The following BZW1 variants were observed in gnomAD, a reference collection of about 807,000 sequenced individuals.
The protein encoded by BZW1 is eIF5-mimic protein 2.
Under a neutral mutation model 54.1 loss-of-function variants are expected in BZW1, and 3 were observed. That is an observed-to-expected ratio of 0.06 (90% CI 0.03 to 0.14). The LOEUF is 0.14. Ranked by LOEUF, BZW1 falls within the 10% of genes least tolerant of loss-of-function variation. The pLI, the probability that BZW1 is intolerant of heterozygous loss-of-function variation, is 1.00. For synonymous variants in BZW1, 152 were observed against 162.7 expected (o/e 0.93, Z 0.50); for missense variants, 206 against 491.7 (o/e 0.42, Z 5.50).
intron 9 of BZW1, chr2:200,819,183 GTTTAA>G: frequency 2.9e-6 from 1 of 344,828 alleles, no homozygotes; most frequent in Non-Finnish European, 5.3e-6. Flanking sequence ...CTTGAGCTCA[GTTTAA>G]GACGTGCCTG....
chr2:200,820,683 C>CAA (rs1176605993), intron 10 of BZW1, among the ~76,000 whole-genome samples: 3 of 144,102 alleles, frequency 2.1e-5, no homozygotes, highest in African/African-American at 7.6e-5. Context: ...GACCCTGTTT[C>CAA]AAAAAAAAAA....
At chr2:200,812,475 C>T in intron 1 of BZW1, 5 of 1,334,996 alleles carry the variant, frequency 3.7e-6, no homozygotes, top group Admixed American at 3.3e-5. Flanking sequence ...TTGCGGCGGC[C>T]GCCACCGCAG....
chr2:200,812,245 G>C (rs912358424), intron 1 of BZW1: 1 of 1,229,564 alleles, frequency 8.1e-7, no homozygotes, highest in African/African-American at 1.6e-5. Flanking sequence ...CAGTGGCCGA[G>C]GCGGGCTCCC....
Position 200,826,404 on chromosome 2 carries a change from G to GATAGATAGAT in BZW1, c.*4229_*4230insGATAGATATA, listed in dbSNP as rs1478189638. 1.8e-5 allele frequency: 1 copy of GATAGATAGAT among 55,748 alleles called. No homozygotes were observed. Among genetic ancestry groups the GATAGATAGAT allele is most frequent in the African/African-American group, 7.9e-5 (1 of 12,646 alleles). 3.5% of individuals were successfully genotyped at this position (55,748 alleles called of 1,614,324 possible). ...AGATAGATAGATAGATAGATAGATA[G>GATAGATAGAT]ATATTTTTTTTTTTTTTTTTTTTTT... On this transcript the variant is annotated 3_prime_UTR_variant, in exon 12 of 12. Coordinates refer to ENST00000409600, the MANE Select transcript of BZW1 (RefSeq NM_001207067.2).
At position 200,819,313 on chromosome 2, in the gene BZW1, C is replaced by T. The variant is rs556392636; in HGVS notation, c.966+412C>T. On this transcript the variant is annotated intron_variant, in intron 9 of 11. Coordinates refer to ENST00000409600, the MANE Select transcript of BZW1 (RefSeq NM_001207067.2). ...GCTGAGGCAGAGGATCTCTTGAGCCCTGGAGATCAAGACTGCAGTGAGCTT... is the reference window on the plus strand; with the variant it reads ...GCTGAGGCAGAGGATCTCTTGAGCCTTGGAGATCAAGACTGCAGTGAGCTT... Among the ~76,000 whole-genome samples, 8 of 152,198 alleles carry T rather than the reference C, an allele frequency of 5.3e-5. No homozygotes were observed. The East Asian group carries it at 1.4e-3, about 26-fold the overall frequency.
chr2:200,812,097 C>G (rs944686270), intron 1 of BZW1, 107 bp downstream of exon 1: 5 of 622,982 alleles, frequency 8.0e-6, no homozygotes, highest in Middle Eastern at 5.0e-4. Flanking sequence ...TGGATGGGCC[C>G]GAACGGAGGT....
At chr2:200,812,509 G>T in intron 1 of BZW1, 1 of 1,380,494 alleles carries the variant, frequency 7.2e-7, no homozygotes, top group Non-Finnish European at 9.4e-7. Flanking sequence ...TGGAGAAAGA[G>T]CCGCGGGACC....
intron 2 of BZW1, 140 bp from the exon 3 acceptor site, chr2:200,815,201 T>C: frequency 1.1e-6 from 1 of 902,828 alleles, no homozygotes; most frequent in African/African-American, 1.7e-5. Context: ...CATCTTGTCT[T>C]ACACTTGCAG....
Position 200,823,713 on chromosome 2 carries a change from T to G in BZW1, c.*1535T>G, listed in dbSNP as rs1435345087. On this transcript the variant is annotated 3_prime_UTR_variant, in exon 12 of 12. Transcript: ENST00000409600. ...AATTTGTTAAAATGAGTAACTTTGA[T>G]AAAGTTTTTCATGCACAGGCAAAAT... The G allele has an allele frequency of 6.6e-6, 1 of 152,366 alleles. No homozygotes were observed. Among genetic ancestry groups the G allele is most frequent in the Admixed American group, 6.6e-5 (1 of 15,248 alleles). The allele number at this position is 152,366 out of a possible 1,614,324, so 9.4% of individuals were successfully genotyped here.
chr2:200,816,465 C>A, intron 5 of BZW1, 75 bp downstream of exon 5: 1 of 1,111,592 alleles, frequency 9.0e-7, no homozygotes, highest in Non-Finnish European at 1.3e-6. Flanking sequence ...CTAATTCCGC[C>A]ACAGATTTGG....
chr2:200,818,931 CTA>C (rs1491020626), intron 9 of BZW1, 30 bp downstream of exon 9: 2 of 1,527,596 alleles, frequency 1.3e-6, no homozygotes, highest in Non-Finnish European at 1.7e-6. Flanking sequence ...ACAAAACAAA[CTA>C]TTCTGCTTTC....
At chr2:200,817,814 T>G (rs532150867) in intron 6 of BZW1, among the ~76,000 whole-genome samples, 160 bp from the exon 7 acceptor site, 1 of 152,252 alleles carries the variant, frequency 6.6e-6, no homozygotes, top group South Asian at 2.1e-4. Context: ...CTAGGGAGAT[T>G]GGAGAAGTGA....
intron 4 of BZW1, 51 bp from the exon 5 acceptor site, chr2:200,816,274 G>A: frequency 7.4e-7 from 1 of 1,348,036 alleles, no homozygotes; most frequent in Non-Finnish European, 1.0e-6. Context: ...TTACTACTTT[G>A]CTATTCTAGA....
At chr2:200,822,068 TAAA>T in intron 11 of BZW1, 76 bp from the exon 12 acceptor site, 3 of 1,364,842 alleles carry the variant, frequency 2.2e-6, no homozygotes, top group Non-Finnish European at 3.1e-6. Context: ...GACTCTGTCT[TAAA>T]GAAGCTTCAA....
At chr2:200,815,044 G>A (rs868790247) in intron 2 of BZW1, among the ~76,000 whole-genome samples, 52 of 152,228 alleles carry the variant, frequency 3.4e-4, no homozygotes, top group African/African-American at 1.3e-3. Flanking sequence ...ACCTGTTAGA[G>A]GATGGCCTAA....
intron 1 of BZW1, 155 bp from the exon 2 acceptor site, chr2:200,813,053 A>T: frequency 1.4e-6 from 1 of 697,794 alleles, no homozygotes; most frequent in Non-Finnish European, 2.6e-6. Flanking sequence ...AAGTGCAGGT[A>T]ATTCTTTGTG....
rs1300781812 is a variant in BZW1, at chr2:200,824,164, CATT to C, written c.*1989_*1991del. On this transcript the variant is annotated 3_prime_UTR_variant, in exon 12 of 12. Coordinates refer to ENST00000409600, the MANE Select transcript of BZW1 (RefSeq NM_001207067.2). The stretch of plus-strand genomic sequence containing the variant: ...ACACTGTAGTGTTTACTTAGTAGAA[CATT>C]ATAGTAAGTGGATATCACTTGTGAC... The C allele has an allele frequency of 6.6e-6, 1 of 151,998 alleles. No individual in the cohort carries two copies. The highest frequency in any genetic ancestry group is 1.5e-5 in the Non-Finnish European group (1 of 67,988). 9.4% of individuals were successfully genotyped at this position (151,998 alleles called of 1,614,324 possible).
At chr2:200,819,090 T>A in intron 9 of BZW1, 189 bp downstream of exon 9, 1 of 696,044 alleles carries the variant, frequency 1.4e-6, no homozygotes, top group Non-Finnish European at 2.2e-6. Flanking sequence ...GTTCACAGGT[T>A]AAAAACAAGA....
At chr2:200,812,268 C>A in intron 1 of BZW1, 2 of 1,232,560 alleles carry the variant, frequency 1.6e-6, no homozygotes. Flanking sequence ...TGGGCCGTGC[C>A]CGGCCTGGCT....
Sources: gnomAD v4.1 joint callset for allele counts (sites outside exome capture counted in the v4.1 genomes callset) on GRCh38, gnomAD v4.1.1 for gene constraint, MANE v1.5 for transcripts, NCBI Gene and HGNC (gene_info 2026-07-23, HGNC 2026-07-21) for gene names.